Variants in CAPS2 observed in about 807,000 individuals in gnomAD.
CAPS2 encodes calcyphosin-2.
A neutral mutation model predicts 86.5 loss-of-function variants in CAPS2; 98 were observed. That is an observed-to-expected ratio of 1.13 (90% confidence interval 0.96 to 1.34). The LOEUF (loss-of-function observed/expected upper bound fraction) is 1.34. Among genes scored for constraint, CAPS2 ranks in the 40% most tolerant of loss-of-function variants. The pLI, the probability that CAPS2 is intolerant of heterozygous loss-of-function variation, is 0.00. For synonymous variants in CAPS2, 210 were observed against 225.1 expected (o/e 0.93, Z 0.60); for missense variants, 729 against 686.8 (o/e 1.06, Z -0.69).
chr12:75,339,251 C>T (rs932647644), intron 1 of CAPS2, among the ~76,000 whole-genome samples: 5 of 152,152 alleles, frequency 3.3e-5, no homozygotes, highest in African/African-American at 4.8e-5. Context: ...TTTCCCGCAA[C>T]ACTGCCAGCA....
At position 75,299,916 on chromosome 12, in the gene CAPS2, T is replaced by A; in HGVS notation, c.780-5A>T. 7.9e-7 allele frequency: 1 copy of A among 1,267,524 alleles called. No homozygotes were observed. Among genetic ancestry groups the A allele is most frequent in the African/African-American group, 1.5e-5 (1 of 65,552 alleles). 78.5% of individuals were successfully genotyped at this position (1,267,524 alleles called of 1,614,324 possible). On this transcript the variant is annotated splice_polypyrimidine_tract_variant and splice_region_variant and intron_variant, in intron 8 of 16. Transcript: ENST00000393284. ...AATGTAGAATGAGTTCTTATCCTGT[T>A]AAGAAATACATTTTGTCAGTAATTT...
intron 1 of CAPS2, among the ~76,000 whole-genome samples, chr12:75,339,670 G>A (rs548763584): frequency 1.6e-4 from 24 of 152,230 alleles, no homozygotes; most frequent in South Asian, 1.5e-3. Context: ...CCGTGCCTAT[G>A]TCCTGAATGG....
At chr12:75,390,200 G>GGTTTT (rs1259436725) in intron 1 of CAPS2, 7 of 393,068 alleles carry the variant, frequency 1.8e-5, no homozygotes, top group Non-Finnish European at 3.5e-5. Flanking sequence ...AAAGCAAGTT[G>GGTTTT]GTTTTGTTTT....
At chr12:75,353,130 A>G (rs910194888) in intron 1 of CAPS2, among the ~76,000 whole-genome samples, 5 of 152,194 alleles carry the variant, frequency 3.3e-5, no homozygotes, top group Admixed American at 3.3e-4. Context: ...GCAGAAGACA[A>G]GAAAAAGCCA....
intron 1 of CAPS2, among the ~76,000 whole-genome samples, chr12:75,340,769 ACAG>A (rs1181307285): frequency 6.6e-6 from 1 of 152,040 alleles, no homozygotes; most frequent in Non-Finnish European, 1.5e-5. Flanking sequence ...TAGAAAATGA[ACAG>A]AAGACTGACA....
intron 15 of CAPS2, among the ~76,000 whole-genome samples, chr12:75,283,539 C>T (rs1487248124): frequency 3.9e-5 from 6 of 151,968 alleles, no homozygotes; most frequent in African/African-American, 4.8e-5. Context: ...GGGCCAGGCA[C>T]GGTGGCTCAT....
Position 75,306,330 on chromosome 12 carries a change from T to A in CAPS2, c.660-1454A>T, listed in dbSNP as rs574984743. ...TCTGCGGGAGGCTAATCCCACTGCC[T>A]ACTGCTCCTGTAACAGTGTCTCTGA... On this transcript the variant is annotated intron_variant, in intron 7 of 16. Coordinates refer to ENST00000393284, the Ensembl canonical transcript of CAPS2. The A allele has an allele frequency of 2.0e-4, 104 of 525,338 alleles. 2 individuals are homozygous for A. The South Asian group carries it at 2.1e-3, about 11-fold the overall frequency. The allele number at this position is 525,338 out of a possible 1,614,324, so 32.5% of individuals were successfully genotyped here.
At chr12:75,339,242 T>A (rs1229871212) in intron 1 of CAPS2, among the ~76,000 whole-genome samples, 1 of 152,202 alleles carries the variant, frequency 6.6e-6, no homozygotes, top group Non-Finnish European at 1.5e-5. Context: ...GTTCCTTTTT[T>A]TCCCGCAACA....
At chr12:75,389,947 A>G (rs1480813304) in intron 1 of CAPS2, among the ~76,000 whole-genome samples, 4 of 152,214 alleles carry the variant, frequency 2.6e-5, no homozygotes, top group Non-Finnish European at 4.4e-5. Context: ...ATTCAAGGGC[A>G]TAAATGAAAC....
intron 1 of CAPS2, among the ~76,000 whole-genome samples, chr12:75,387,614 T>C (rs1056898335): frequency 6.6e-6 from 1 of 152,342 alleles, no homozygotes; most frequent in African/African-American, 2.4e-5. Context: ...CTTAGAATTA[T>C]GGAGGCTGAG....
intron 5 of CAPS2, among the ~76,000 whole-genome samples, chr12:75,321,172 T>C (rs1565900439): frequency 6.6e-6 from 1 of 152,130 alleles, no homozygotes; most frequent in South Asian, 2.1e-4. Flanking sequence ...TATATGGCTA[T>C]AACTTTTTTG....
chr12:75,356,805 T>C (rs573836167), intron 1 of CAPS2, among the ~76,000 whole-genome samples: 2 of 152,150 alleles, frequency 1.3e-5, no homozygotes, highest in Non-Finnish European at 2.9e-5. Flanking sequence ...TGAAAAACTT[T>C]AGGATTCTTT....
chr12:75,374,691 AT>A (rs1385238782), intron 1 of CAPS2, among the ~76,000 whole-genome samples: 1 of 152,222 alleles, frequency 6.6e-6, no homozygotes, highest in African/African-American at 2.4e-5. Context: ...GAGAGCTGAT[AT>A]ATCCCTGAGG....
chr12:75,305,455 C>G, intron 7 of CAPS2: 1 of 536,690 alleles, frequency 1.9e-6, no homozygotes. Flanking sequence ...CCGGTTGGAA[C>G]AAAGTAAGGA....
chr12:75,335,564 C>A (rs1461726308), intron 1 of CAPS2, among the ~76,000 whole-genome samples: 1 of 152,124 alleles, frequency 6.6e-6, no homozygotes, highest in African/African-American at 2.4e-5. Context: ...ATGTGCTATG[C>A]AGATGTAGAT....
At chr12:75,305,789 G>C in intron 7 of CAPS2, 1 of 730,948 alleles carries the variant, frequency 1.4e-6, no homozygotes. Flanking sequence ...GAAGGATGTC[G>C]TCGGCAGCTA....
chr12:75,333,424 C>T (rs564290833), upstream of CAPS2, among the ~76,000 whole-genome samples: 1 of 151,956 alleles, frequency 6.6e-6, no homozygotes, highest in Admixed American at 6.6e-5. Context: ...ATTTATCTAT[C>T]TGTATACCTA....
At chr12:75,302,460 G>A (rs2037935987) in intron 8 of CAPS2, among the ~76,000 whole-genome samples, 1 of 152,050 alleles carries the variant, frequency 6.6e-6, no homozygotes, top group Non-Finnish European at 1.5e-5. Flanking sequence ...CAAGTCAGAG[G>A]GAAAATGATT....
intron 14 of CAPS2, among the ~76,000 whole-genome samples, chr12:75,288,081 G>T (rs1415403976): frequency 6.6e-6 from 1 of 152,192 alleles, no homozygotes; most frequent in African/African-American, 2.4e-5. Context: ...GAAAGCAGAG[G>T]AAACATAGTT....
Sources: gnomAD v4.1 joint callset for allele counts (sites outside exome capture counted in the v4.1 genomes callset) on GRCh38, gnomAD v4.1.1 for gene constraint, MANE v1.5 for transcripts, NCBI Gene and HGNC (gene_info 2026-07-23, HGNC 2026-07-21) for gene names.